Variants in NBEA observed in about 807,000 individuals in gnomAD.
The protein encoded by NBEA is neurobeachin.
NBEA carries 44 observed loss-of-function variants against 343.4 expected under a neutral mutation model. That is an observed-to-expected ratio of 0.13 (90% CI 0.10 to 0.16). NBEA has a LOEUF of 0.16. Among genes scored for constraint, NBEA ranks in the 10% least tolerant of loss-of-function variants. The pLI is 1.00. For missense variants in NBEA, 2,555 were observed against 3,631.3 expected (o/e 0.70, Z 7.62); for synonymous variants, 1,175 against 1,238.7 (o/e 0.95, Z 1.08).
At chr13:35,040,458 A>G (rs1366661607) in intron 1 of NBEA, among the ~76,000 whole-genome samples, 3 of 151,356 alleles carry the variant, frequency 2.0e-5, no homozygotes, top group Admixed American at 6.6e-5. Context: ...AATATTTCTT[A>G]TAAGTTGTAT....
At chr13:35,375,806 A>T (rs980023970) in intron 38 of NBEA, among the ~76,000 whole-genome samples, 7 of 152,268 alleles carry the variant, frequency 4.6e-5, no homozygotes, top group Admixed American at 3.3e-4. Flanking sequence ...AATATTAGGG[A>T]ATTTATTAAA....
In NBEA at chr13:35,407,622, G is replaced by A. The variant is rs573506004; in HGVS notation, c.6180-24647G>A. Among the ~76,000 whole-genome samples, 3 of 151,826 alleles carry A rather than the reference G, an allele frequency of 2.0e-5. No homozygotes were observed. The East Asian group carries it at 5.8e-4, about 29-fold the overall frequency. The stretch of plus-strand genomic sequence containing the variant: ...TCTGCCCTTTATCAAAAAGACATGT[G>A]TCTGTCCACTTTAACATTTCTGGTA... On this transcript the variant is annotated intron_variant, in intron 38 of 58. Transcript: ENST00000379939.
At chr13:35,303,934 G>A (rs1300136869) in intron 35 of NBEA, among the ~76,000 whole-genome samples, 1 of 152,044 alleles carries the variant, frequency 6.6e-6, no homozygotes, top group Non-Finnish European at 1.5e-5. Context: ...CCAGCATTTA[G>A]GGCCTGTCTT....
intron 27 of NBEA, among the ~76,000 whole-genome samples, chr13:35,174,445 G>A (rs2070720155): frequency 6.6e-6 from 1 of 152,060 alleles, no homozygotes; most frequent in African/African-American, 2.4e-5. Flanking sequence ...TATTGATACA[G>A]TAACTTTTTG....
At chr13:35,518,720 A>G (rs906638567) in intron 41 of NBEA, among the ~76,000 whole-genome samples, 6 of 152,228 alleles carry the variant, frequency 3.9e-5, no homozygotes, top group Non-Finnish European at 7.3e-5. Flanking sequence ...CAGGTTGAGC[A>G]CACATGGTTG....
chr13:35,642,389 A>G (rs911361360), intron 49 of NBEA, among the ~76,000 whole-genome samples: 2 of 152,198 alleles, frequency 1.3e-5, no homozygotes, highest in African/African-American at 4.8e-5. Context: ...CATAGATTTA[A>G]TGAAGTTGGA....
At chr13:35,375,594 A>G (rs1054437357) in intron 38 of NBEA, among the ~76,000 whole-genome samples, 1 of 152,120 alleles carries the variant, frequency 6.6e-6, no homozygotes, top group Non-Finnish European at 1.5e-5. Flanking sequence ...AAGACTTGCA[A>G]CTATTTTTTA....
At chr13:35,471,578 T>C (rs531299354) in intron 40 of NBEA, among the ~76,000 whole-genome samples, 1 of 152,322 alleles carries the variant, frequency 6.6e-6, no homozygotes, top group East Asian at 1.9e-4. Context: ...CCCATTTGAA[T>C]TCATATTCCA....
intron 33 of NBEA, among the ~76,000 whole-genome samples, chr13:35,215,574 A>G (rs1464423136): frequency 6.6e-6 from 1 of 151,708 alleles, no homozygotes; most frequent in African/African-American, 2.4e-5. Context: ...TAAAACTGAA[A>G]AAAGGGGATA....
chr13:35,234,199 G>A (rs1593862415), intron 34 of NBEA, among the ~76,000 whole-genome samples: 1 of 152,032 alleles, frequency 6.6e-6, no homozygotes, highest in Non-Finnish European at 1.5e-5. Context: ...GTTTTAAGTA[G>A]GGCTGTCACC....
At chr13:34,987,481 C>G (rs572544961) in intron 1 of NBEA, among the ~76,000 whole-genome samples, 92 of 150,794 alleles carry the variant, frequency 6.1e-4, no homozygotes, top group African/African-American at 2.1e-3. Context: ...CTTGGGGTTG[C>G]TCTTCTGGAG....
At chr13:35,002,478 A>G (rs2061173365) in intron 1 of NBEA, among the ~76,000 whole-genome samples, 1 of 152,178 alleles carries the variant, frequency 6.6e-6, no homozygotes, top group Non-Finnish European at 1.5e-5. Flanking sequence ...ATTTCTTGGT[A>G]ACAACAGTAA....
intron 55 of NBEA, among the ~76,000 whole-genome samples, chr13:35,657,560 A>G (rs2084872915): frequency 6.6e-6 from 1 of 152,258 alleles, no homozygotes; most frequent in African/African-American, 2.4e-5. Flanking sequence ...TGTATAAGAC[A>G]TATGACCTAC....
intron 41 of NBEA, among the ~76,000 whole-genome samples, chr13:35,530,336 C>T (rs2078197617): frequency 6.6e-6 from 1 of 152,068 alleles, no homozygotes; most frequent in African/African-American, 2.4e-5. Context: ...CTGTGACTGG[C>T]GGCGGCCTGT....
intron 1 of NBEA, among the ~76,000 whole-genome samples, chr13:34,943,358 C>A (rs951190054): frequency 6.6e-6 from 1 of 151,200 alleles, no homozygotes; most frequent in African/African-American, 2.4e-5. Flanking sequence ...CTTAACACCG[C>A]TTCTTCTCAC....
At chr13:34,944,975 T>C (rs1477706072) in intron 1 of NBEA, among the ~76,000 whole-genome samples, 2 of 152,238 alleles carry the variant, frequency 1.3e-5, no homozygotes, top group African/African-American at 4.8e-5. Context: ...TACGGTAGAC[T>C]AAGAAAGGAA....
chr13:35,642,635 A>G (rs1416351516), intron 49 of NBEA, among the ~76,000 whole-genome samples: 1 of 152,238 alleles, frequency 6.6e-6, no homozygotes, highest in East Asian at 1.9e-4. Context: ...AGCCAGTGGC[A>G]GTGCCCAGGT....
chr13:35,586,092 C>G (rs948629073), intron 46 of NBEA, among the ~76,000 whole-genome samples: 1 of 152,184 alleles, frequency 6.6e-6, no homozygotes, highest in African/African-American at 2.4e-5. Flanking sequence ...AGATATACCT[C>G]AGACCACTCT....
chr13:35,471,939 C>T (rs1039969201), intron 40 of NBEA, among the ~76,000 whole-genome samples: 1 of 152,138 alleles, frequency 6.6e-6, no homozygotes, highest in African/African-American at 2.4e-5. Context: ...CATTTAGATC[C>T]TTGCCCCCTT....
Sources: gnomAD v4.1 joint callset for allele counts (sites outside exome capture counted in the v4.1 genomes callset) on GRCh38, gnomAD v4.1.1 for gene constraint, MANE v1.5 for transcripts, NCBI Gene and HGNC (gene_info 2026-07-23, HGNC 2026-07-21) for gene names.